Variants in GPC6 observed in about 807,000 individuals in gnomAD.
GPC6 encodes glypican 6, also known as glypican-6.
A neutral mutation model predicts 55.2 loss-of-function variants in GPC6; 14 were observed. The observed-to-expected ratio is 0.25, with a 90% confidence interval of 0.17 to 0.40. The LOEUF is 0.40. Among genes scored for constraint, GPC6 ranks in the 10% least tolerant of loss-of-function variants. GPC6 has a pLI of 1.00. For synonymous variants in GPC6, 278 were observed against 259.6 expected (o/e 1.07, Z -0.68); for missense variants, 641 against 708.5 (o/e 0.90, Z 1.08).
At chr13:93,676,925 T>G (rs1241544288) in intron 2 of GPC6, among the ~76,000 whole-genome samples, 1 of 151,980 alleles carries the variant, frequency 6.6e-6, no homozygotes, top group Non-Finnish European at 1.5e-5. Flanking sequence ...TGTAGATAAG[T>G]CAGGATAGAG....
intron 3 of GPC6, among the ~76,000 whole-genome samples, chr13:93,939,431 A>G (rs1878611294): frequency 6.6e-6 from 1 of 151,332 alleles, no homozygotes; most frequent in Non-Finnish European, 1.5e-5. Context: ...TAATAATAAT[A>G]ATAATGATAA....
chr13:93,556,438 G>C (rs939796859), intron 2 of GPC6, among the ~76,000 whole-genome samples: 1 of 123,926 alleles, frequency 8.1e-6, no homozygotes, highest in African/African-American at 2.8e-5. Context: ...ATATATTTTG[G>C]GGGTACATGA....
chr13:93,450,402 A>T (rs1220659777), intron 1 of GPC6, among the ~76,000 whole-genome samples: 1 of 152,176 alleles, frequency 6.6e-6, no homozygotes, highest in Non-Finnish European at 1.5e-5. Context: ...TGCTTTGCAG[A>T]TATTTTATGT....
intron 5 of GPC6, among the ~76,000 whole-genome samples, chr13:94,296,088 G>A (rs951886041): frequency 6.6e-6 from 1 of 152,176 alleles, no homozygotes; most frequent in African/African-American, 2.4e-5. Flanking sequence ...AGGTGCTAGG[G>A]CAGAGGGAAG....
intron 3 of GPC6, among the ~76,000 whole-genome samples, chr13:94,002,479 G>A (rs895867539): frequency 6.6e-6 from 1 of 152,120 alleles, no homozygotes; most frequent in Non-Finnish European, 1.5e-5. Flanking sequence ...TATTGACCTA[G>A]ATTTATCTTA....
intron 1 of GPC6, among the ~76,000 whole-genome samples, chr13:93,504,463 T>A (rs916149128): frequency 1.4e-5 from 2 of 143,396 alleles, no homozygotes; most frequent in African/African-American, 2.6e-5. Flanking sequence ...CAACACATTA[T>A]AAAAATAAAA....
chr13:94,242,896 A>G (rs1891096640), intron 4 of GPC6, among the ~76,000 whole-genome samples: 1 of 152,008 alleles, frequency 6.6e-6, no homozygotes, highest in Non-Finnish European at 1.5e-5. Context: ...GGTTTGTGTC[A>G]TATACCTTTA....
chr13:94,272,141 A>G (rs2139065292), intron 4 of GPC6, among the ~76,000 whole-genome samples: 1 of 152,258 alleles, frequency 6.6e-6, no homozygotes, highest in South Asian at 2.1e-4. Context: ...AAGGGCTCCC[A>G]TTGCTTACTG....
intron 4 of GPC6, among the ~76,000 whole-genome samples, chr13:94,184,632 A>G (rs1486316567): frequency 2.6e-5 from 4 of 152,296 alleles, no homozygotes; most frequent in South Asian, 4.1e-4. Context: ...TTAAAAAGCC[A>G]AAAAACAACA....
intron 3 of GPC6, among the ~76,000 whole-genome samples, chr13:93,843,915 T>G (rs1252133159): frequency 6.6e-6 from 1 of 152,182 alleles, no homozygotes; most frequent in African/African-American, 2.4e-5. Context: ...AGTGAAAAAG[T>G]GTAATCCAAA....
intron 2 of GPC6, among the ~76,000 whole-genome samples, chr13:93,771,870 C>G (rs1885310792): frequency 6.6e-6 from 1 of 152,110 alleles, no homozygotes; most frequent in African/African-American, 2.4e-5. Flanking sequence ...TGTGGGGAAT[C>G]AAACTTAGAT....
chr13:94,314,072 G>T (rs2139121547), intron 6 of GPC6, among the ~76,000 whole-genome samples: 1 of 152,260 alleles, frequency 6.6e-6, no homozygotes, highest in South Asian at 2.1e-4. Context: ...CTACATTATA[G>T]CATGTTGTTA....
chr13:94,194,647 TTATTGTATA>T, intron 4 of GPC6, among the ~76,000 whole-genome samples: 1 of 152,140 alleles, frequency 6.6e-6, no homozygotes, highest in Admixed American at 6.5e-5. Context: ...CAAATTGTAT[TTATTGTATA>T]CTGCTGGGGT....
intron 4 of GPC6, among the ~76,000 whole-genome samples, chr13:94,067,222 A>T (rs1359343056): frequency 1.3e-5 from 2 of 152,186 alleles, no homozygotes; most frequent in African/African-American, 4.8e-5. Context: ...ATAATAACTG[A>T]TTATGTATCA....
chr13:94,289,516 C>A (rs948887354), intron 5 of GPC6, among the ~76,000 whole-genome samples: 3 of 152,172 alleles, frequency 2.0e-5, no homozygotes, highest in Non-Finnish European at 4.4e-5. Flanking sequence ...TGTCTGAAAT[C>A]ACTCCCACAA....
chr13:93,632,153 C>T (rs1879473175), intron 2 of GPC6, among the ~76,000 whole-genome samples: 1 of 152,190 alleles, frequency 6.6e-6, no homozygotes, highest in South Asian at 2.1e-4. Context: ...TGGATTGCCT[C>T]AAATCCAATC....
chr13:93,506,139 A>AT (rs1880704589), intron 1 of GPC6, among the ~76,000 whole-genome samples: 1 of 152,124 alleles, frequency 6.6e-6, no homozygotes, highest in Non-Finnish European at 1.5e-5. Flanking sequence ...GTATGTTAGC[A>AT]TATCTGCACA....
At chr13:93,417,560 T>C (rs530307456) in intron 1 of GPC6, among the ~76,000 whole-genome samples, 1 of 152,216 alleles carries the variant, frequency 6.6e-6, no homozygotes, top group Non-Finnish European at 1.5e-5. Context: ...ACTTCTTTCA[T>C]GAAATAACCA....
At chr13:94,260,331 C>CT (rs1286676504) in intron 4 of GPC6, among the ~76,000 whole-genome samples, 1 of 152,168 alleles carries the variant, frequency 6.6e-6, no homozygotes, top group African/African-American at 2.4e-5. Flanking sequence ...TTTGCTAGGG[C>CT]TGCCATATCA....
Sources: allele counts gnomAD v4.1 joint callset (sites outside exome capture counted in the v4.1 genomes callset), GRCh38; gene constraint gnomAD v4.1.1; transcripts MANE v1.5; gene names NCBI Gene and HGNC (gene_info 2026-07-23, HGNC 2026-07-21).